SRGAP1: variants seen among roughly 807,000 people sequenced by gnomAD.
SRGAP1 encodes SLIT-ROBO Rho GTPase-activating protein 1.
Under a neutral mutation model 121.9 loss-of-function variants are expected in SRGAP1, and 43 were observed. The ratio of observed to expected loss-of-function variants is 0.35; its 90% CI spans 0.28 to 0.46. The LOEUF (loss-of-function observed/expected upper bound fraction) is 0.46, where lower values mean the gene tolerates loss of function less well. Ranked by LOEUF, SRGAP1 falls within the 20% of genes least tolerant of loss-of-function variation. SRGAP1 has a pLI of 1.00. For synonymous variants in SRGAP1, 447 were observed against 485.4 expected (o/e 0.92, Z 1.04); for missense variants, 1,102 against 1,350.9 (o/e 0.82, Z 2.89).
chr12:63,941,171 A>G (rs1056532430), intron 1 of SRGAP1, among the ~76,000 whole-genome samples: 8 of 151,572 alleles, frequency 5.3e-5, no homozygotes, highest in South Asian at 2.1e-4. Context: ...TATTTAATAT[A>G]TATTAATTAG....
At chr12:63,932,051 G>A (rs1387856898) in intron 1 of SRGAP1, among the ~76,000 whole-genome samples, 1 of 152,126 alleles carries the variant, frequency 6.6e-6, no homozygotes, top group African/African-American at 2.4e-5. Context: ...ACTGAGACAG[G>A]GACTAGCAAA....
intron 4 of SRGAP1, among the ~76,000 whole-genome samples, chr12:64,037,967 G>T (rs2034934355): frequency 6.6e-6 from 1 of 152,084 alleles, no homozygotes; most frequent in Admixed American, 6.6e-5. Context: ...AGATAAAGAG[G>T]CCTTCCAATT....
At chr12:63,858,420 A>G (rs1053711064) in intron 1 of SRGAP1, among the ~76,000 whole-genome samples, 1 of 151,880 alleles carries the variant, frequency 6.6e-6, no homozygotes, top group Non-Finnish European at 1.5e-5. Context: ...GGCTCAAACA[A>G]TCCTCCTGCC....
At chr12:64,095,986 C>CG (rs1343020673) in intron 14 of SRGAP1, among the ~76,000 whole-genome samples, 1 of 152,120 alleles carries the variant, frequency 6.6e-6, no homozygotes, top group Non-Finnish European at 1.5e-5. Flanking sequence ...TCATGTGATA[C>CG]GGGTCAAGTC....
chr12:64,128,307 G>A, intron 21 of SRGAP1, 107 bp downstream of exon 21: 3 of 1,111,806 alleles, frequency 2.7e-6, no homozygotes, highest in Non-Finnish European at 3.7e-6. Flanking sequence ...TTATATTTCT[G>A]TATAGAACCA....
At chr12:63,950,859 C>CTG (rs2032265148) in intron 1 of SRGAP1, among the ~76,000 whole-genome samples, 1 of 152,106 alleles carries the variant, frequency 6.6e-6, no homozygotes, top group Non-Finnish European at 1.5e-5. Flanking sequence ...AAAAGCCTAC[C>CTG]TGTGTGTCCT....
chr12:64,130,927 A>G (rs939627070), intron 21 of SRGAP1, among the ~76,000 whole-genome samples: 4 of 152,216 alleles, frequency 2.6e-5, no homozygotes, highest in Non-Finnish European at 5.9e-5. Flanking sequence ...ACCTGCCACC[A>G]GGTAGCTGGC....
intron 1 of SRGAP1, among the ~76,000 whole-genome samples, chr12:63,877,271 G>A (rs1900059979): frequency 1.3e-5 from 2 of 152,210 alleles, no homozygotes; most frequent in South Asian, 4.2e-4. Context: ...CTTTAATTGT[G>A]TAGTCTGTAT....
intron 1 of SRGAP1, among the ~76,000 whole-genome samples, chr12:63,907,888 A>T (rs1034418338): frequency 6.6e-6 from 1 of 152,200 alleles, no homozygotes. Context: ...TGTAAAGTAT[A>T]AAGTAGAGGT....
chr12:63,986,784 G>A (rs1234310985), intron 2 of SRGAP1, among the ~76,000 whole-genome samples: 1 of 152,182 alleles, frequency 6.6e-6, no homozygotes, highest in Non-Finnish European at 1.5e-5. Flanking sequence ...TGGCTGTGAA[G>A]GGAAAATATG....
chr12:63,848,146 T>A (rs936895490), intron 1 of SRGAP1, among the ~76,000 whole-genome samples: 1 of 151,800 alleles, frequency 6.6e-6, no homozygotes, highest in Non-Finnish European at 1.5e-5. Context: ...GTTGGAATTA[T>A]ATACACGCAC....
chr12:64,087,115 T>A, intron 11 of SRGAP1, 89 bp downstream of exon 11: 1 of 1,028,834 alleles, frequency 9.7e-7, no homozygotes, highest in Non-Finnish European at 1.4e-6. Context: ...AATTAACATT[T>A]TGTTAATGAA....
intron 1 of SRGAP1, among the ~76,000 whole-genome samples, chr12:63,919,716 T>A (rs1268825449): frequency 1.3e-5 from 2 of 152,142 alleles, no homozygotes; most frequent in Admixed American, 1.3e-4. Flanking sequence ...TGCCTTTTTT[T>A]AAAAAATGTT....
intron 16 of SRGAP1, 87 bp from the exon 17 acceptor site, chr12:64,111,675 A>G: frequency 3.5e-6 from 4 of 1,131,846 alleles, no homozygotes; most frequent in Non-Finnish European, 2.4e-6. Context: ...GTATCTTATT[A>G]AAGTATTGAA....
chr12:64,066,977 C>A (rs1215742910), intron 8 of SRGAP1, among the ~76,000 whole-genome samples: 1 of 152,050 alleles, frequency 6.6e-6, no homozygotes, highest in African/African-American at 2.4e-5. Context: ...TCAAAACTGG[C>A]AGCTCACAGA....
At chr12:63,872,772 G>C (rs1227407477) in intron 1 of SRGAP1, among the ~76,000 whole-genome samples, 2 of 152,188 alleles carry the variant, frequency 1.3e-5, no homozygotes, top group Non-Finnish European at 2.9e-5. Flanking sequence ...GTGAAATACA[G>C]TCCATGTCTT....
At chr12:64,031,725 G>A (rs2034785685) in intron 4 of SRGAP1, among the ~76,000 whole-genome samples, 1 of 152,190 alleles carries the variant, frequency 6.6e-6, no homozygotes, top group African/African-American at 2.4e-5. Flanking sequence ...TCTGCACCCA[G>A]AAGTTATGTG....
chr12:64,094,268 A>C lies in SRGAP1; in HGVS notation c.1540-664A>C, dbSNP rs115764312. 5.5e-3 allele frequency among the ~76,000 whole-genome samples: 839 copies of C among 152,254 alleles called. 6 individuals are homozygous for C. Among genetic ancestry groups the C allele is most frequent in the African/African-American group, 0.019 (804 of 41,550 alleles). On this transcript the variant is annotated intron_variant, in intron 12 of 21. Coordinates refer to ENST00000355086, the MANE Select transcript of SRGAP1 (RefSeq NM_020762.4). Reference sequence around the variant, plus strand: ...ACACTGCCACGGTTTACATTTGTTCAGTAGAAGGCAGTGACTGTTTTACAA... The same window carrying C: ...ACACTGCCACGGTTTACATTTGTTCCGTAGAAGGCAGTGACTGTTTTACAA...
chr12:63,851,630 C>G, intron 1 of SRGAP1, among the ~76,000 whole-genome samples: 1 of 150,740 alleles, frequency 6.6e-6, no homozygotes, highest in Non-Finnish European at 1.5e-5. Context: ...CTCTGTCACC[C>G]AGGCTGGAGT....
Sources: gnomAD v4.1 joint callset for allele counts (sites outside exome capture counted in the v4.1 genomes callset) on GRCh38, gnomAD v4.1.1 for gene constraint, MANE v1.5 for transcripts, NCBI Gene and HGNC (gene_info 2026-07-23, HGNC 2026-07-21) for gene names.